Variants in SAMSN1 observed in about 807,000 individuals in gnomAD.
SAMSN1 encodes SAM domain, SH3 domain and nuclear localization signals 1, also known as SAM domain-containing protein SAMSN-1.
SAMSN1 carries 31 observed loss-of-function variants against 42.0 expected under a neutral mutation model. The observed-to-expected ratio is 0.74, with a 90% CI of 0.55 to 1.00. SAMSN1 has a LOEUF of 1.00. SAMSN1 is among the 50% of genes least tolerant of loss of function. The pLI is 0.00. For synonymous variants in SAMSN1, 178 were observed against 151.9 expected (o/e 1.17, Z -1.26); for missense variants, 464 against 439.4 (o/e 1.06, Z -0.50).
At chr21:14,579,365 A>ATAAAAAAG (rs1173353271) in intron 2 of SAMSN1, among the ~76,000 whole-genome samples, 2 of 152,124 alleles carry the variant, frequency 1.3e-5, no homozygotes, top group African/African-American at 2.4e-5. Flanking sequence ...AACTACCTAA[A>ATAAAAAAG]TAAAAAAGAA....
chr21:14,593,076 C>T (rs1600950778), intron 7 of SAMSN1, among the ~76,000 whole-genome samples: 1 of 152,066 alleles, frequency 6.6e-6, no homozygotes, highest in East Asian at 1.9e-4. Flanking sequence ...CCTAGCACAA[C>T]TTAGACATCT....
Position 14,538,194 on chromosome 21 carries a change from T to A in SAMSN1, c.57+8011A>T, listed in dbSNP as rs117028825. Among the ~76,000 whole-genome samples the A allele has an allele frequency of 9.1e-3, 1,393 of 152,270 alleles. 8 individuals are homozygous for A. The highest frequency in any genetic ancestry group is 0.027 in the South Asian group (128 of 4,820). On this transcript the variant is annotated intron_variant, in intron 1 of 7. Coordinates refer to ENST00000400566, the MANE Select transcript of SAMSN1 (RefSeq NM_022136.5). ...AATAAATATTTACTTATAGCCACCG[T>A]TTTTTAAAGGGGAAAAGAGTAAATC...
At chr21:14,658,451 A>G (rs530762512) in intron 1 of SAMSN1, among the ~76,000 whole-genome samples, 14 of 152,108 alleles carry the variant, frequency 9.2e-5, no homozygotes, top group Non-Finnish European at 1.6e-4. Flanking sequence ...AACAAATAGA[A>G]GAAAATTATT....
intron 5 of SAMSN1, among the ~76,000 whole-genome samples, chr21:14,503,486 C>T (rs1321568329): frequency 6.6e-6 from 1 of 152,102 alleles, no homozygotes; most frequent in Non-Finnish European, 1.5e-5. Context: ...CAGTTGAGCC[C>T]ATAATTATGA....
intron 2 of SAMSN1, among the ~76,000 whole-genome samples, chr21:14,557,242 C>T (rs887664961): frequency 1.3e-5 from 2 of 152,146 alleles, no homozygotes; most frequent in Admixed American, 6.5e-5. Context: ...TTGAGCCTGA[C>T]ACCTGTCCTC....
At chr21:14,497,800 A>G (rs988345894) in intron 7 of SAMSN1, among the ~76,000 whole-genome samples, 1 of 152,136 alleles carries the variant, frequency 6.6e-6, no homozygotes, top group East Asian at 1.9e-4. Flanking sequence ...GGCAGTCTGG[A>G]TGGATAATTA....
chr21:14,610,203 T>G (rs748446265), intron 4 of SAMSN1, among the ~76,000 whole-genome samples: 1 of 152,192 alleles, frequency 6.6e-6, no homozygotes, highest in Non-Finnish European at 1.5e-5. Context: ...GCTGAATTCT[T>G]TCCCCAGTAA....
intron 7 of SAMSN1, among the ~76,000 whole-genome samples, chr21:14,591,131 A>T (rs1279879818): frequency 6.6e-6 from 1 of 152,210 alleles, no homozygotes; most frequent in Non-Finnish European, 1.5e-5. Flanking sequence ...AGATATTCGT[A>T]TATCATTATA....
At chr21:14,548,571 C>A (rs1980503408), upstream of SAMSN1, among the ~76,000 whole-genome samples, 1 of 151,858 alleles carries the variant, frequency 6.6e-6, no homozygotes, top group Non-Finnish European at 1.5e-5. Flanking sequence ...AAAATGTAAA[C>A]AAAATAAATA....
intron 2 of SAMSN1, among the ~76,000 whole-genome samples, chr21:14,573,817 G>T (rs1311487154): frequency 6.6e-6 from 1 of 152,142 alleles, no homozygotes; most frequent in Non-Finnish European, 1.5e-5. Context: ...GATCCAAAGA[G>T]ATCCTACTAT....
intron 1 of SAMSN1, among the ~76,000 whole-genome samples, chr21:14,582,866 T>TA (rs11422203): frequency 0.091 from 13,763 of 152,056 alleles, 1,581 homozygotes; most frequent in African/African-American, 0.27. Flanking sequence ...GTCATGTGTA[T>TA]AATAAAGAAT....
chr21:14,503,760 C>G (rs1987278479), intron 5 of SAMSN1, among the ~76,000 whole-genome samples: 2 of 152,084 alleles, frequency 1.3e-5, no homozygotes, highest in Admixed American at 1.3e-4. Flanking sequence ...TGTGGATGCT[C>G]ACATGATGAA....
intron 1 of SAMSN1, among the ~76,000 whole-genome samples, chr21:14,533,804 G>T (rs1380528926): frequency 6.6e-6 from 1 of 152,222 alleles, no homozygotes; most frequent in Non-Finnish European, 1.5e-5. Flanking sequence ...ATTGCTGGAA[G>T]TTTGCTTGAT....
intron 1 of SAMSN1, among the ~76,000 whole-genome samples, chr21:14,537,687 G>T (rs966425716): frequency 6.6e-6 from 1 of 152,170 alleles, no homozygotes; most frequent in Non-Finnish European, 1.5e-5. Context: ...AATATTTGGG[G>T]ATGGAACCCA....
At chr21:14,653,372 T>C (rs576219106) in intron 1 of SAMSN1, among the ~76,000 whole-genome samples, 1 of 152,164 alleles carries the variant, frequency 6.6e-6, no homozygotes, top group East Asian at 1.9e-4. Flanking sequence ...GAGATGATTA[T>C]GGTAAGTGAA....
intron 2 of SAMSN1, among the ~76,000 whole-genome samples, chr21:14,578,542 G>A (rs1046128038): frequency 6.6e-6 from 1 of 151,844 alleles, no homozygotes; most frequent in African/African-American, 2.4e-5. Context: ...AATAAGCCGG[G>A]CATGGTGGCG....
chr21:14,560,609 AG>A (rs1216216199), intron 2 of SAMSN1, among the ~76,000 whole-genome samples: 2 of 152,204 alleles, frequency 1.3e-5, no homozygotes, highest in Non-Finnish European at 2.9e-5. Flanking sequence ...GAAAACTCTG[AG>A]GAAGTTTAGT....
intron 1 of SAMSN1, chr21:14,643,167 C>T (rs1321006624): frequency 2.8e-6 from 2 of 712,126 alleles, no homozygotes; most frequent in South Asian, 3.0e-5. Flanking sequence ...CAAGGAATAA[C>T]AGAATAATAA....
chr21:14,490,255 A>G (rs1986626951), intron 7 of SAMSN1, among the ~76,000 whole-genome samples: 1 of 152,148 alleles, frequency 6.6e-6, no homozygotes, highest in East Asian at 1.9e-4. Flanking sequence ...ATTTAGATGA[A>G]TTAAAGGGCA....
Sources: allele counts gnomAD v4.1 joint callset (sites outside exome capture counted in the v4.1 genomes callset), GRCh38; gene constraint gnomAD v4.1.1; transcripts MANE v1.5; gene names NCBI Gene and HGNC (gene_info 2026-07-23, HGNC 2026-07-21).